BCAP29: variants seen among roughly 807,000 people sequenced by gnomAD.
BCAP29 encodes B-cell receptor-associated protein 29.
Under a neutral mutation model 31.8 loss-of-function variants are expected in BCAP29, and 34 were observed. The observed-to-expected ratio is 1.07, with a 90% CI of 0.81 to 1.42. The LOEUF is 1.42. BCAP29 is among the 40% of genes most tolerant of loss of function. BCAP29 has a pLI of 0.00. For synonymous variants in BCAP29, 104 were observed against 91.3 expected (o/e 1.14, Z -0.79); for missense variants, 314 against 269.2 (o/e 1.17, Z -1.16).
intron 3 of BCAP29, among the ~76,000 whole-genome samples, chr7:107,589,137 A>G (rs1808248020): frequency 6.6e-6 from 1 of 152,216 alleles, no homozygotes; most frequent in Admixed American, 6.5e-5. Flanking sequence ...AAGCCTCTCT[A>G]AACAGCTGTA....
At chr7:107,580,324 G>A (rs1206366604) in intron 1 of BCAP29, 23 bp downstream of exon 1, 2 of 153,082 alleles carry the variant, frequency 1.3e-5, no homozygotes, top group Admixed American at 6.6e-5. Context: ...GCGACCCGGG[G>A]ACCCGTGGGG....
At chr7:107,580,573 G>C (rs1806429445) in intron 1 of BCAP29, 186 bp from the exon 2 acceptor site, 1 of 512,892 alleles carries the variant, frequency 1.9e-6, no homozygotes, top group Non-Finnish European at 3.4e-6. Context: ...ACGACTCCCA[G>C]GGAGGTGGCG....
intron 5 of BCAP29, among the ~76,000 whole-genome samples, chr7:107,597,897 G>A (rs1035690302): frequency 6.6e-6 from 1 of 152,176 alleles, no homozygotes. Flanking sequence ...TCTTCAGTGT[G>A]ATAGAGCTTT....
chr7:107,591,582 C>T lies in BCAP29; in HGVS notation c.194-2373C>T, dbSNP rs892391069. Among the ~76,000 whole-genome samples, 6 of 140,092 alleles carry T rather than the reference C, an allele frequency of 4.3e-5. 1 individual carries two copies. The South Asian group carries it at 6.7e-4, about 16-fold the overall frequency. 91.9% of individuals were successfully genotyped at this position (140,092 alleles called of 152,430 possible). A position where few individuals can be genotyped will look rare whatever the true frequency, so the allele number is the denominator to read the frequency against. On this transcript the variant is annotated intron_variant, in intron 3 of 7. Coordinates refer to ENST00000005259, the MANE Select transcript of BCAP29 (RefSeq NM_018844.4). ...CCAGTTCCTTAAAATAAATCTCGAG[C>T]TCTCTCTCTCTCTTTCTCTCTCTGT...
chr7:107,599,910 G>A (rs1470423728), intron 5 of BCAP29, among the ~76,000 whole-genome samples: 1 of 152,122 alleles, frequency 6.6e-6, no homozygotes, highest in African/African-American at 2.4e-5. Flanking sequence ...GAACTTTCCA[G>A]CTGTAGAAAT....
At chr7:107,611,487 T>TTA (rs1813121158) in intron 6 of BCAP29, among the ~76,000 whole-genome samples, 1 of 152,228 alleles carries the variant, frequency 6.6e-6, no homozygotes. Context: ...AGTCAGCCAC[T>TTA]ATTAGATTGT....
chr7:107,622,868 T>C (rs1420076212), downstream of BCAP29: 1 of 152,224 alleles, frequency 6.6e-6, no homozygotes, highest in African/African-American at 2.4e-5. Flanking sequence ...TAGATGCTTG[T>C]GGCAGAGGGT....
intron 4 of BCAP29, 118 bp from the exon 5 acceptor site, chr7:107,595,749 T>TA: frequency 9.0e-7 from 1 of 1,115,488 alleles, no homozygotes; most frequent in Non-Finnish European, 1.3e-6. Context: ...GGGTTCTGCC[T>TA]AAACATTATC....
chr7:107,587,260 G>T (rs923883759), intron 3 of BCAP29, among the ~76,000 whole-genome samples: 2 of 152,154 alleles, frequency 1.3e-5, no homozygotes, highest in African/African-American at 4.8e-5. Context: ...ATAGAAAATT[G>T]ACTATATGTC....
At chr7:107,594,188 A>ATT (rs879432395) in intron 4 of BCAP29, 83 bp downstream of exon 4, 238 of 1,059,100 alleles carry the variant, frequency 2.2e-4, no homozygotes, top group African/African-American at 4.8e-4. Flanking sequence ...TTTACTGTAG[A>ATT]TTTTTTTTTT....
intron 6 of BCAP29, among the ~76,000 whole-genome samples, chr7:107,601,996 G>A (rs545806272): frequency 3.3e-5 from 5 of 152,030 alleles, no homozygotes; most frequent in Non-Finnish European, 7.4e-5. Flanking sequence ...TTTAAATCTG[G>A]CATAAAACTT....
rs1265868492 is a variant in BCAP29 at position 107,620,088 on chromosome 7, T to G, written c.*1725T>G. 1 of 152,180 alleles carries G rather than the reference T, an allele frequency of 6.6e-6. No individual in the cohort carries two copies. Among genetic ancestry groups the G allele is most frequent in the African/African-American group, 2.4e-5 (1 of 41,444 alleles). The allele number at this position is 152,180 out of a possible 1,614,324, so 9.4% of individuals were successfully genotyped here. ...TGAAGAGCTTGAAGATTTGAAAGAT[T>G]CCCAAAAAAGCATTTTAAAGTTTAC... On this transcript the variant is annotated 3_prime_UTR_variant, in exon 8 of 8. Transcript: ENST00000005259.
At chr7:107,622,596 C>T (rs908506141), downstream of BCAP29, 1 of 152,312 alleles carries the variant, frequency 6.6e-6, no homozygotes, top group Non-Finnish European at 1.5e-5. Flanking sequence ...GAAATGATCT[C>T]ATTTATGGTT....
At chr7:107,606,784 T>G (rs1373982913) in intron 6 of BCAP29, among the ~76,000 whole-genome samples, 2 of 152,234 alleles carry the variant, frequency 1.3e-5, no homozygotes, top group Non-Finnish European at 2.9e-5. Flanking sequence ...GTTCTTTTCA[T>G]TATAATTATG....
At chr7:107,604,773 T>A (rs185348669) in intron 6 of BCAP29, among the ~76,000 whole-genome samples, 1 of 151,542 alleles carries the variant, frequency 6.6e-6, no homozygotes, top group Admixed American at 6.6e-5. Context: ...TGTCTGGAAG[T>A]TTCTGTTTCT....
chr7:107,593,075 A>G (rs529986251), intron 3 of BCAP29, among the ~76,000 whole-genome samples: 160 of 152,348 alleles, frequency 1.1e-3, no homozygotes, highest in Non-Finnish European at 1.8e-3. Flanking sequence ...TTACATCTCA[A>G]TAAAGCTGCT....
chr7:107,611,613 G>A (rs1409467911), intron 6 of BCAP29, among the ~76,000 whole-genome samples: 1 of 152,156 alleles, frequency 6.6e-6, no homozygotes, highest in Non-Finnish European at 1.5e-5. Context: ...GAAATGCCTT[G>A]TAGAACCCAA....
rs1814723269 is a variant in BCAP29 at position 107,619,513 on chromosome 7, C to T, written c.*1150C>T. 1 of 152,108 alleles carries T rather than the reference C, an allele frequency of 6.6e-6. No homozygotes were observed. The highest frequency in any genetic ancestry group is 2.4e-5 in the African/African-American group (1 of 41,442). 9.4% of individuals were successfully genotyped at this position (152,108 alleles called of 1,614,324 possible). A position where few individuals can be genotyped will look rare whatever the true frequency, so the allele number is the denominator to read the frequency against. ...TTTATTATAATTTTAGCACCAACTT[C>T]ACACCTAGCTAATTTTTTTCATCAT... On this transcript the variant is annotated 3_prime_UTR_variant, in exon 8 of 8. Transcript: ENST00000005259.
chr7:107,580,887 A>C, intron 2 of BCAP29, 23 bp downstream of exon 2: 1 of 1,516,888 alleles, frequency 6.6e-7, no homozygotes, highest in Non-Finnish European at 8.9e-7. Flanking sequence ...CAAATCGTTA[A>C]CTAATAAATA....
Sources: gnomAD v4.1 joint callset for allele counts (sites outside exome capture counted in the v4.1 genomes callset) on GRCh38, gnomAD v4.1.1 for gene constraint, MANE v1.5 for transcripts, NCBI Gene and HGNC (gene_info 2026-07-23, HGNC 2026-07-21) for gene names.